STK3: variants seen among roughly 807,000 people sequenced by gnomAD.
STK3 encodes the protein serine/threonine kinase 3, also known as serine/threonine-protein kinase 3.
In STK3, 41 loss-of-function variants were observed where a neutral mutation model predicts 58.0. That is an observed-to-expected ratio of 0.71 (90% CI 0.55 to 0.92). The LOEUF (loss-of-function observed/expected upper bound fraction) is 0.92. Among genes scored for constraint, STK3 ranks in the 40% least tolerant of loss-of-function variants. The probability of loss-of-function intolerance (pLI) is 0.00; values close to 1 mark genes in which losing one functional copy is unlikely to be tolerated. For missense variants in STK3, 479 were observed against 602.7 expected (o/e 0.79, Z 2.15); for synonymous variants, 170 against 191.0 (o/e 0.89, Z 0.91).
Position 98,375,222 on chromosome 8 carries a change from TC to T in STK3, n.112-3545del, listed in dbSNP as rs1415221616. Reference sequence around the variant, plus strand: ...GTGAGCCATTATCATGCTACTGTACTCCAGCCTGAGTGAGAGAGCAAGAAGC... The same window carrying T: ...GTGAGCCATTATCATGCTACTGTACTCAGCCTGAGTGAGAGAGCAAGAAGC... On this transcript the variant is annotated intron_variant and non_coding_transcript_variant, in intron 2 of 2. Coordinates refer to the STK3 transcript ENST00000518704. Among the ~76,000 whole-genome samples, 3 of 143,206 alleles carry T rather than the reference TC, an allele frequency of 2.1e-5. No homozygotes were observed. In the East Asian group the frequency reaches 6.2e-4, roughly 30 times the overall value. 93.9% of individuals were successfully genotyped at this position (143,206 alleles called of 152,430 possible).
intron 1 of STK3, among the ~76,000 whole-genome samples, chr8:98,893,187 G>A (rs569012522): frequency 7.9e-5 from 12 of 151,996 alleles, no homozygotes; most frequent in East Asian, 3.9e-4. Flanking sequence ...TCAGGAGTTC[G>A]AGACCAGCCT....
intron 2 of STK3, among the ~76,000 whole-genome samples, chr8:98,372,043 C>T (rs1273060270): frequency 6.6e-6 from 1 of 152,110 alleles, no homozygotes; most frequent in Non-Finnish European, 1.5e-5. Context: ...GAAATGTGGA[C>T]ACAGACACCC....
At chr8:98,466,022 C>T (rs917206360) in intron 10 of STK3, among the ~76,000 whole-genome samples, 2 of 152,218 alleles carry the variant, frequency 1.3e-5, no homozygotes, top group Non-Finnish European at 2.9e-5. Flanking sequence ...TCAAAAGCAA[C>T]CAGTAATTAA....
At chr8:98,841,882 T>C (rs1423785126) in intron 3 of STK3, among the ~76,000 whole-genome samples, 1 of 152,092 alleles carries the variant, frequency 6.6e-6, no homozygotes, top group Admixed American at 6.6e-5. Context: ...TGGCTCTAAC[T>C]TTAGTATGCA....
intron 1 of STK3, among the ~76,000 whole-genome samples, chr8:98,440,896 T>C (rs1348070583): frequency 2.6e-5 from 4 of 152,184 alleles, no homozygotes; most frequent in Admixed American, 1.3e-4. Context: ...AGAAGGTCAC[T>C]GTGAAGAAAG....
intron 8 of STK3, among the ~76,000 whole-genome samples, chr8:98,555,480 C>T (rs934220255): frequency 7.9e-5 from 12 of 151,984 alleles, no homozygotes; most frequent in African/African-American, 2.7e-4. Flanking sequence ...GTGTCCTAAA[C>T]GGAAAATATT....
intron 2 of STK3, 85 bp from the exon 3 acceptor site, chr8:98,767,456 G>T: frequency 7.9e-7 from 1 of 1,261,414 alleles, no homozygotes; most frequent in Non-Finnish European, 1.1e-6. Flanking sequence ...TCTGTGGATA[G>T]TCTTTTCTAG....
rs1288443389 is a variant in STK3, at chr8:98,589,784, G to A, written c.822+6248C>T. 6.6e-5 allele frequency among the ~76,000 whole-genome samples: 10 copies of A among 152,324 alleles called. No homozygotes were observed. The South Asian group carries it at 8.3e-4, about 13-fold the overall frequency. On this transcript the variant is annotated intron_variant, in intron 7 of 10. Coordinates refer to ENST00000419617, the MANE Select transcript of STK3 (RefSeq NM_006281.4). ...GCATAGGACCCTCTGAGCCAGGTGCGGGATATAATCTCGTGGTGCACCATT... is the reference window on the plus strand; with the variant it reads ...GCATAGGACCCTCTGAGCCAGGTGCAGGATATAATCTCGTGGTGCACCATT...
At chr8:98,453,069 ATTTC>A (rs1819272438), downstream of STK3, among the ~76,000 whole-genome samples, 1 of 59,166 alleles carries the variant, frequency 1.7e-5, no homozygotes, top group Non-Finnish European at 3.1e-5. Context: ...CCTAGACTTG[ATTTC>A]TTTCTTGTTT....
At chr8:98,522,397 T>G (rs1247328633) in intron 10 of STK3, among the ~76,000 whole-genome samples, 1 of 152,210 alleles carries the variant, frequency 6.6e-6, no homozygotes, top group Non-Finnish European at 1.5e-5. Flanking sequence ...TAGCACCCTT[T>G]GCCATGTAAC....
chr8:98,825,475 G>A, intron 1 of STK3, 40 bp downstream of exon 1: 8 of 1,432,938 alleles, frequency 5.6e-6, no homozygotes, highest in Non-Finnish European at 7.4e-6. Flanking sequence ...GCGGCCGCCG[G>A]CGCCGCTTCC....
chr8:98,650,014 A>G (rs770654460), intron 6 of STK3, among the ~76,000 whole-genome samples: 8 of 151,842 alleles, frequency 5.3e-5, no homozygotes, highest in Non-Finnish European at 8.8e-5. Context: ...ACTTTTTCCA[A>G]TTTTTCTTTA....
chr8:98,656,032 A>C (rs1430716489), intron 6 of STK3, among the ~76,000 whole-genome samples: 1 of 140,636 alleles, frequency 7.1e-6, no homozygotes, highest in Non-Finnish European at 1.6e-5. Context: ...AGACACATGC[A>C]CACGTATGTT....
Position 98,912,984 on chromosome 8 carries a change from T to C in STK3, c.-78-29150A>G, listed in dbSNP as rs575774207. On this transcript the variant is annotated intron_variant, in intron 1 of 1. Transcript: ENST00000519420. ...AGTGCAGTGGCATGATCTTGCCTCA[T>C]GCAGCCTCCACCTCCTGGGTTCAAG... 7.7e-4 allele frequency among the ~76,000 whole-genome samples: 117 copies of C among 152,318 alleles called. 1 individual carries two copies. The highest frequency in any genetic ancestry group is 3.1e-4 in the Non-Finnish European group (21 of 68,016).
chr8:98,596,205 T>C lies in STK3; in HGVS notation c.685-36A>G, dbSNP rs772923376. ...TGAAATATCCAAAAGACAGTAAGAATCACACTAGCACAATCAAATAAACAA... is the reference window on the plus strand; with the variant it reads ...TGAAATATCCAAAAGACAGTAAGAACCACACTAGCACAATCAAATAAACAA... On this transcript the variant is annotated intron_variant, in intron 6 of 10. Coordinates refer to ENST00000419617, the MANE Select transcript of STK3 (RefSeq NM_006281.4). The C allele has an allele frequency of 4.2e-5, 67 of 1,597,912 alleles. No individual in the cohort carries two copies. The Middle Eastern group carries it at 5.0e-4, about 12-fold the overall frequency.
intron 6 of STK3, among the ~76,000 whole-genome samples, chr8:98,606,619 G>A (rs1419707377): frequency 6.6e-6 from 1 of 152,122 alleles, no homozygotes; most frequent in Non-Finnish European, 1.5e-5. Context: ...CAAACAAATG[G>A]CCAAAGGTTT....
intron 3 of STK3, among the ~76,000 whole-genome samples, chr8:98,426,141 C>T (rs1426132390): frequency 6.6e-6 from 1 of 152,174 alleles, no homozygotes; most frequent in South Asian, 2.1e-4. Context: ...ACCCCCCAGT[C>T]CCCACTGTCG....
At chr8:98,796,147 A>T (rs1833154561) in intron 1 of STK3, among the ~76,000 whole-genome samples, 1 of 152,236 alleles carries the variant, frequency 6.6e-6, no homozygotes, top group South Asian at 2.1e-4. Context: ...AAACTATTCT[A>T]AAATTCATAT....
downstream of STK3, among the ~76,000 whole-genome samples, chr8:98,399,758 G>T (rs1400183833): frequency 6.6e-6 from 1 of 152,222 alleles, no homozygotes; most frequent in Non-Finnish European, 1.5e-5. Context: ...GCCAGAGCAA[G>T]AACTGGCCAC....
Sources: gnomAD v4.1 joint callset for allele counts (sites outside exome capture counted in the v4.1 genomes callset) on GRCh38, gnomAD v4.1.1 for gene constraint, MANE v1.5 for transcripts, NCBI Gene and HGNC (gene_info 2026-07-23, HGNC 2026-07-21) for gene names.